The following ACOXL variants were observed in gnomAD, a reference collection of about 807,000 sequenced individuals.
ACOXL encodes acyl-coenzyme A oxidase-like protein.
A neutral mutation model predicts 71.9 loss-of-function variants in ACOXL; 70 were observed. The observed-to-expected ratio is 0.97, with a 90% CI of 0.80 to 1.19. The LOEUF (loss-of-function observed/expected upper bound fraction) is 1.19. Among genes scored for constraint, ACOXL ranks in the 50% most tolerant of loss-of-function variants. ACOXL has a pLI of 0.00. For synonymous variants in ACOXL, 253 were observed against 281.6 expected, an observed-to-expected ratio of 0.90 and a Z score of 1.02; for missense variants, 703 against 736.3, an observed-to-expected ratio of 0.95 and a Z score of 0.52.
chr2:110,865,420 C>T (rs922347810), intron 10 of ACOXL, among the ~76,000 whole-genome samples: 2 of 152,114 alleles, frequency 1.3e-5, no homozygotes, highest in African/African-American at 4.8e-5. Context: ...TGAACTATGG[C>T]CTGATTTCAC....
chr2:110,926,361 C>T lies in ACOXL; in HGVS notation c.906-7128C>T, dbSNP rs138730865. On this transcript the variant is annotated intron_variant, in intron 11 of 17. Coordinates refer to ENST00000439055, the MANE Select transcript of ACOXL (RefSeq NM_001142807.4). ...TATTTCTGCACCTACTTTGGGTTGT[C>T]AAGGGATTAAATGAATTAACACATG... is the stretch of plus-strand genomic sequence containing the variant. Among the ~76,000 whole-genome samples, 35 of 152,210 alleles carry T rather than the reference C, an allele frequency of 2.3e-4. 1 individual carries two copies. The highest frequency in any genetic ancestry group is 7.8e-4 in the Admixed American group (12 of 15,288).
chr2:110,892,778 G>A (rs1698066341), intron 10 of ACOXL, among the ~76,000 whole-genome samples: 1 of 152,190 alleles, frequency 6.6e-6, no homozygotes, highest in Non-Finnish European at 1.5e-5. Context: ...AAAATAAAGT[G>A]GGAGAGAGGT....
chr2:110,934,423 A>C (rs1198178732), intron 12 of ACOXL, among the ~76,000 whole-genome samples: 2 of 152,224 alleles, frequency 1.3e-5, no homozygotes, highest in Non-Finnish European at 2.9e-5. Context: ...GAATGGAAGG[A>C]GGGAGCCCCT....
At chr2:111,064,714 G>T (rs1218551003) in intron 16 of ACOXL, among the ~76,000 whole-genome samples, 1 of 152,122 alleles carries the variant, frequency 6.6e-6, no homozygotes, top group African/African-American at 2.4e-5. Context: ...GACTTTACTA[G>T]TATCGGACAC....
intron 17 of ACOXL, chr2:111,098,892 T>C (rs2068959561): frequency 6.6e-6 from 1 of 152,190 alleles, no homozygotes; most frequent in Non-Finnish European, 1.5e-5. Context: ...TAGAAATGCA[T>C]ATATATACTT....
chr2:110,967,934 A>T, intron 12 of ACOXL: 1 of 962,344 alleles, frequency 1.0e-6, no homozygotes, highest in Non-Finnish European at 1.6e-6. Context: ...TATGCTCGGA[A>T]ATACTTGGAG....
chr2:110,741,192 G>A (rs1048839773), intron 1 of ACOXL, among the ~76,000 whole-genome samples: 2 of 152,130 alleles, frequency 1.3e-5, no homozygotes. Flanking sequence ...ATGGTGTTGC[G>A]TCAGCTTAAT....
At chr2:110,754,287 G>C (rs185597515) in intron 1 of ACOXL, among the ~76,000 whole-genome samples, 133 of 152,094 alleles carry the variant, frequency 8.7e-4, no homozygotes, top group African/African-American at 3.2e-3. Context: ...TGCTGGGCTG[G>C]TCTGGAACTC....
intron 10 of ACOXL, among the ~76,000 whole-genome samples, chr2:110,889,147 C>A (rs901494588): frequency 6.6e-6 from 1 of 152,176 alleles, no homozygotes; most frequent in African/African-American, 2.4e-5. Context: ...CTATTTTGCA[C>A]TCAACTGTAT....
intron 9 of ACOXL, among the ~76,000 whole-genome samples, chr2:110,839,944 A>G (rs1317628600): frequency 7.3e-6 from 1 of 136,824 alleles, no homozygotes; most frequent in Admixed American, 7.5e-5. Flanking sequence ...GACTTTGGCT[A>G]CAGAAATGAT....
chr2:110,874,602 C>T (rs1695664676), intron 10 of ACOXL, among the ~76,000 whole-genome samples: 1 of 152,136 alleles, frequency 6.6e-6, no homozygotes, highest in Non-Finnish European at 1.5e-5. Context: ...CTCTGGATGG[C>T]CTCCTTCAGC....
chr2:110,841,446 A>C (rs1462154223), intron 10 of ACOXL, 41 bp downstream of exon 10: 2 of 1,541,882 alleles, frequency 1.3e-6, no homozygotes, highest in African/African-American at 2.7e-5. Flanking sequence ...AATTATCCTT[A>C]CCAGTTTATA....
chr2:110,990,746 T>C (rs2063138899), intron 13 of ACOXL, among the ~76,000 whole-genome samples: 1 of 152,242 alleles, frequency 6.6e-6, no homozygotes, highest in Admixed American at 6.5e-5. Flanking sequence ...TTTTTCTGCA[T>C]CTGTTGAAAC....
At chr2:110,832,282 T>C (rs1689923122) in intron 9 of ACOXL, among the ~76,000 whole-genome samples, 2 of 152,158 alleles carry the variant, frequency 1.3e-5, no homozygotes, top group African/African-American at 4.8e-5. Context: ...CTCACGCCTG[T>C]AATCCCAGCA....
intron 12 of ACOXL, among the ~76,000 whole-genome samples, chr2:110,954,853 C>G (rs2061441208): frequency 1.3e-5 from 2 of 152,108 alleles, no homozygotes; most frequent in African/African-American, 2.4e-5. Context: ...TCTGTCTGTT[C>G]CATCCCAGTC....
intron 10 of ACOXL, among the ~76,000 whole-genome samples, chr2:110,863,023 G>A (rs1394200693): frequency 6.6e-6 from 1 of 152,172 alleles, no homozygotes; most frequent in Non-Finnish European, 1.5e-5. Flanking sequence ...AGGTGTTTGA[G>A]TTTGCAAATT....
intron 10 of ACOXL, among the ~76,000 whole-genome samples, chr2:110,863,600 C>G (rs189738642): frequency 6.3e-4 from 96 of 152,266 alleles, no homozygotes; most frequent in African/African-American, 1.1e-3. Context: ...AGCACCCCCC[C>G]CAACTGGTTG....
rs146530870 is a variant in ACOXL, at chr2:110,811,182, A to G, written c.753+5787A>G. ...AGAAAACCATTCGACTACCTGATGG[A>G]CACCACACTTCACAGAAACTCCTCA... On this transcript the variant is annotated intron_variant, in intron 9 of 17. Transcript: ENST00000439055. Among the ~76,000 whole-genome samples the G allele has an allele frequency of 2.5e-4, 38 of 152,256 alleles. No individual in the cohort carries two copies. The East Asian group carries it at 6.8e-3, about 27-fold the overall frequency.
At chr2:110,813,599 C>G (rs1439801713) in intron 9 of ACOXL, among the ~76,000 whole-genome samples, 2 of 152,190 alleles carry the variant, frequency 1.3e-5, no homozygotes, top group African/African-American at 4.8e-5. Context: ...TGACAACTGG[C>G]CTGCTGTCCC....
Sources: allele counts gnomAD v4.1 joint callset (sites outside exome capture counted in the v4.1 genomes callset), GRCh38; gene constraint gnomAD v4.1.1; transcripts MANE v1.5; gene names NCBI Gene and HGNC (gene_info 2026-07-23, HGNC 2026-07-21).